VPS51: variants seen among roughly 807,000 people sequenced by gnomAD.
The protein encoded by VPS51 is VPS51 subunit of GARP complex.
VPS51 carries 55 observed loss-of-function variants against 65.1 expected under a neutral mutation model. The observed-to-expected ratio is 0.84, with a 90% CI of 0.68 to 1.06. The LOEUF (loss-of-function observed/expected upper bound fraction) is 1.06. Among genes scored for constraint, VPS51 ranks in the 50% least tolerant of loss-of-function variants. The pLI is 0.00. For synonymous variants in VPS51, 473 were observed against 489.5 expected (o/e 0.97, Z 0.44); for missense variants, 943 against 1,101.6 (o/e 0.86, Z 2.04).
chr11:65,107,187 G>T lies in VPS51; in HGVS notation c.359-394G>T, dbSNP rs769471316. On this transcript the variant is annotated intron_variant, in intron 2 of 9. Transcript: ENST00000279281. The surrounding 1 kb of genome is among the most constrained non-coding windows in gnomAD (Gnocchi z 4.0). Reference sequence around the variant, plus strand: ...AACAAGAATGTATTGCCTCATCCAGGCAGTGCGCTGGACACGCAGATGCGC... The same window carrying T: ...AACAAGAATGTATTGCCTCATCCAGTCAGTGCGCTGGACACGCAGATGCGC... 2.1e-6 allele frequency: 1 copy of T among 475,104 alleles called. No individual in the cohort carries two copies. The highest frequency in any genetic ancestry group is 1.5e-5 in the South Asian group (1 of 64,760). The allele number at this position is 475,104 out of a possible 1,614,324, so 29.4% of individuals were successfully genotyped here. A position where few individuals can be genotyped will look rare whatever the true frequency, so the allele number is the denominator to read the frequency against.
rs777440245 is a variant in VPS51, at chr11:65,097,142, G to T, written c.358+15G>T. 3 of 1,613,604 alleles carry T rather than the reference G, an allele frequency of 1.9e-6. No individual in the cohort carries two copies. Among genetic ancestry groups the T allele is most frequent in the East Asian group, 2.2e-5 (1 of 44,872 alleles). Reference sequence around the variant, plus strand: ...CTCAGCCACAGGTGATCCCCACGGGGACACACCCTCCAAAGTCTCACAGCC... The same window carrying T: ...CTCAGCCACAGGTGATCCCCACGGGTACACACCCTCCAAAGTCTCACAGCC... On this transcript the variant is annotated intron_variant, in intron 2 of 9. Coordinates refer to ENST00000279281, the MANE Select transcript of VPS51 (RefSeq NM_013265.4).
intron 2 of VPS51, among the ~76,000 whole-genome samples, chr11:65,102,207 G>A (rs1947814091): frequency 6.6e-6 from 1 of 151,970 alleles, no homozygotes; most frequent in Non-Finnish European, 1.5e-5. Context: ...CAGTAGAGAC[G>A]GGATTTCACC....
At chr11:65,101,892 G>A (rs939143327) in intron 2 of VPS51, among the ~76,000 whole-genome samples, 5 of 150,654 alleles carry the variant, frequency 3.3e-5, no homozygotes, top group Non-Finnish European at 7.4e-5. Flanking sequence ...TCGGGAAACA[G>A]CATAACCAGC....
rs895531802 is a variant in VPS51, at chr11:65,096,533, C to T, written c.228+55C>T. 7 of 1,359,510 alleles carry T rather than the reference C, an allele frequency of 5.1e-6. No individual in the cohort carries two copies. The East Asian group carries it at 1.1e-4, about 21-fold the overall frequency. The allele number at this position is 1,359,510 out of a possible 1,614,324, so 84.2% of individuals were successfully genotyped here. A position where few individuals can be genotyped will look rare whatever the true frequency, so the allele number is the denominator to read the frequency against. Reference sequence around the variant, plus strand: ...GGGGAGGGGGGAAGGGAACCAGGCCCCTGCTATATTGCTCCCCCAGATCAT... The same window carrying T: ...GGGGAGGGGGGAAGGGAACCAGGCCTCTGCTATATTGCTCCCCCAGATCAT... On this transcript the variant is annotated intron_variant, in intron 1 of 9. Coordinates refer to ENST00000279281, the MANE Select transcript of VPS51 (RefSeq NM_013265.4).
rs772743546 is a variant in VPS51 at position 65,110,685 on chromosome 11, C to T, written c.2001-9C>T. On this transcript the variant is annotated splice_polypyrimidine_tract_variant and intron_variant, in intron 8 of 9. Transcript: ENST00000279281. ...GGCGGGCTCTGATTCCTTGTCTTCC[C>T]CAATCCAGTGCCCCGATGGACACCA... 6.8e-6 allele frequency: 11 copies of T among 1,614,048 alleles called. No homozygotes were observed. In the South Asian group the frequency reaches 1.2e-4, roughly 18 times the overall value.
chr11:65,110,427 G>GGC, intron 7 of VPS51, 55 bp from the exon 8 acceptor site: 2 of 1,612,902 alleles, frequency 1.2e-6, no homozygotes, highest in Non-Finnish European at 1.7e-6. Context: ...AGCACCGATG[G>GGC]GCTGGTGGTT....
At chr11:65,099,254 C>T (rs1247071726) in intron 2 of VPS51, among the ~76,000 whole-genome samples, 1 of 152,014 alleles carries the variant, frequency 6.6e-6, no homozygotes, top group East Asian at 1.9e-4. Flanking sequence ...ACTAGGTCCT[C>T]AGGAAGGAGG....
chr11:65,106,706 G>A (rs1947843949), intron 2 of VPS51, among the ~76,000 whole-genome samples: 2 of 150,478 alleles, frequency 1.3e-5, no homozygotes, highest in African/African-American at 2.4e-5. Context: ...AGCAGAGGTC[G>A]TGCCACTGCA....
intron 2 of VPS51, among the ~76,000 whole-genome samples, chr11:65,101,338 T>C (rs1220342303): frequency 6.6e-6 from 1 of 152,188 alleles, no homozygotes; most frequent in Non-Finnish European, 1.5e-5. Context: ...CACCTAGACA[T>C]TGAGTTTCAT....
chr11:65,100,903 T>G (rs755547415), intron 2 of VPS51, among the ~76,000 whole-genome samples: 83 of 152,014 alleles, frequency 5.5e-4, no homozygotes, highest in Non-Finnish European at 1.2e-4. Context: ...GGCCATCAAT[T>G]GAATGAATAT....
rs767647540 is a variant in VPS51, at chr11:65,108,583, C to A, written c.1112C>A (p.Ala371Glu). The change falls in exon 5 of 10, where the codon GCG (alanine) becomes GAG (glutamate). Residue 371 changes from alanine (A) to glutamate (E), a missense_variant. Ala to Glu is a moderately radical substitution (Grantham distance 107, BLOSUM62 -1). This residue lies in a region of VPS51 where 855 missense variants were observed against 953.7 expected (regional missense o/e 0.90). Coordinates refer to ENST00000279281, the MANE Select transcript of VPS51 (RefSeq NM_013265.4). ...GGTGACAACTCACTGCTGGTGCGGGCGCTGGACCGCTTCCACCGGCGCTTG... is the reference window on the plus strand; with the variant it reads ...GGTGACAACTCACTGCTGGTGCGGGAGCTGGACCGCTTCCACCGGCGCTTG... ...GGGDNSLLVR[A>E]LDRFHRRLRA... 1 of 1,545,026 alleles carries A rather than the reference C, an allele frequency of 6.5e-7. No homozygotes were observed. Among genetic ancestry groups the A allele is most frequent in the South Asian group, 1.2e-5 (1 of 85,578 alleles).
At position 65,107,548 on chromosome 11, in the gene VPS51, G is replaced by C; in HGVS notation, c.359-33G>C. On this transcript the variant is annotated intron_variant, in intron 2 of 9. Transcript: ENST00000279281. This position sits in a 1 kb window ranked among gnomAD's most constrained non-coding sequence, Gnocchi z 4.0. ...GGTTGCGCCCGCCCTGCAGTCACCT[G>C]CTCTCCCCTTTTCCCCGCCCCTGCC... The C allele has an allele frequency of 6.4e-7, 1 of 1,556,064 alleles. No homozygotes were observed. The highest frequency in any genetic ancestry group is 2.3e-5 in the East Asian group (1 of 44,026).
Position 65,109,685 on chromosome 11 carries a change from C to A in VPS51, c.1660-20C>A. The A allele has an allele frequency of 6.5e-7, 1 of 1,548,234 alleles. No individual in the cohort carries two copies. The highest frequency in any genetic ancestry group is 8.7e-7 in the Non-Finnish European group (1 of 1,144,574). On this transcript the variant is annotated intron_variant, in intron 6 of 9. Transcript: ENST00000279281. ...CCCCCACCATACCCACTCCCTCTGT[C>A]CTCTGCCTCCTTGGCTCAGGATCAG... is the stretch of plus-strand genomic sequence containing the variant.
Position 65,096,493 on chromosome 11 carries a change from GGAGT to G in VPS51, c.228+17_228+20del. Reference sequence around the variant, plus strand: ...ACCTAGACAAGGTGTGTGCGCACGGGGAGTGGGGGGGTGCGGGGAGGGGGGAAGG... The same window carrying G: ...ACCTAGACAAGGTGTGTGCGCACGGGGGGGGGGTGCGGGGAGGGGGGAAGG... On this transcript the variant is annotated intron_variant, in intron 1 of 9. Coordinates refer to ENST00000279281, the MANE Select transcript of VPS51 (RefSeq NM_013265.4). 7.0e-7 allele frequency: 1 copy of G among 1,433,080 alleles called. No individual in the cohort carries two copies. Among genetic ancestry groups the G allele is most frequent in the East Asian group, 2.5e-5 (1 of 39,262 alleles). 88.8% of individuals were successfully genotyped at this position (1,433,080 alleles called of 1,614,324 possible).
intron 7 of VPS51, 91 bp from the exon 8 acceptor site, chr11:65,110,391 T>G: frequency 1.3e-6 from 2 of 1,599,048 alleles, no homozygotes; most frequent in Admixed American, 3.4e-5. Context: ...CTTGTGATGC[T>G]TGAGTAGCTG....
chr11:65,097,003 TAG>T lies in VPS51; in HGVS notation c.239_240del (p.Glu80ValfsTer10), dbSNP rs1286823039. The part of the protein sequence containing the change: ...DPEVYLDKLR[R>X]ECPLAQLMDS... Reference sequence around the variant, plus strand: ...TAACCACCCAACTTCTTCAGCTGCGTAGAGAGTGCCCTCTGGCCCAGTTGATG... The same window carrying T: ...TAACCACCCAACTTCTTCAGCTGCGTAGAGTGCCCTCTGGCCCAGTTGATG... On this transcript the variant is annotated frameshift_variant, in exon 2 of 10. Coordinates refer to ENST00000279281, the MANE Select transcript of VPS51 (RefSeq NM_013265.4). LOFTEE classifies it high-confidence loss of function. 5 of 1,613,408 alleles carry T rather than the reference TAG, an allele frequency of 3.1e-6. No homozygotes were observed. The highest frequency in any genetic ancestry group is 4.2e-6 in the Non-Finnish European group (5 of 1,180,020).
In VPS51 at chr11:65,109,879, G is replaced by A. The variant is rs1268381440; in HGVS notation, c.1834G>A (p.Val612Ile). The A allele has an allele frequency of 5.6e-6, 9 of 1,610,776 alleles. No homozygotes were observed. The highest frequency in any genetic ancestry group is 2.2e-5 in the South Asian group (2 of 90,370). Residue 612 changes from valine to isoleucine, a missense_variant, in exon 7 of 10, where the codon GTC (valine) becomes ATC (isoleucine). Around this residue, in one of 2 missense-constraint regions of VPS51, gnomAD observed 855 missense variants for 953.7 expected, o/e 0.90. Transcript: ENST00000279281. ...STLEPRNVRA[V>I]MKRVVEDTTA... ...TCTGGAGCCCCGGAATGTGCGGGCCGTCATGAAGCGGGTGGTGGAGGATAC... is the reference window on the plus strand; with the variant it reads ...TCTGGAGCCCCGGAATGTGCGGGCCATCATGAAGCGGGTGGTGGAGGATAC...
chr11:65,096,512 AG>A (rs1565307540), intron 1 of VPS51, 34 bp downstream of exon 1: 14 of 441,686 alleles, frequency 3.2e-5, no homozygotes, highest in African/African-American at 2.2e-4. Context: ...GGGTGCGGGG[AG>A]GGGGGAAGGG....
chr11:65,100,891 A>G (rs920346195), intron 2 of VPS51, among the ~76,000 whole-genome samples: 2 of 152,096 alleles, frequency 1.3e-5, no homozygotes, highest in African/African-American at 4.8e-5. Flanking sequence ...AGCAATCCAA[A>G]TGGCCATCAA....
Sources: gnomAD v4.1 joint callset for allele counts (sites outside exome capture counted in the v4.1 genomes callset) on GRCh38, gnomAD v4.1.1 for gene constraint, gnomAD v4.1.1 regional missense constraint, Gnocchi (gnomAD v3.1) non-coding constraint, MANE v1.5 for transcripts, NCBI Gene and HGNC (gene_info 2026-07-23, HGNC 2026-07-21) for gene names.